CLNK: variants seen among roughly 807,000 people sequenced by gnomAD.
CLNK encodes cytokine-dependent hematopoietic cell linker.
Under a neutral mutation model 68.6 loss-of-function variants are expected in CLNK, and 74 were observed. That is an observed-to-expected ratio of 1.08 (90% CI 0.89 to 1.31). The LOEUF is 1.31. Ranked by LOEUF, CLNK falls within the 50% of genes most tolerant of loss-of-function variation. CLNK has a pLI of 0.00. For synonymous variants in CLNK, 198 were observed against 172.2 expected (o/e 1.15, Z -1.17); for missense variants, 553 against 515.3 (o/e 1.07, Z -0.71).
At chr4:10,618,796 C>T (rs899993869) in intron 2 of CLNK, among the ~76,000 whole-genome samples, 1 of 152,196 alleles carries the variant, frequency 6.6e-6, no homozygotes, top group African/African-American at 2.4e-5. Flanking sequence ...CAATAACTCA[C>T]TCAGTCACGG....
intron 2 of CLNK, among the ~76,000 whole-genome samples, chr4:10,621,035 G>A (rs567082523): frequency 3.9e-5 from 6 of 152,024 alleles, no homozygotes; most frequent in South Asian, 2.1e-4. Flanking sequence ...GCGTGAACCC[G>A]GGAGACAGAG....
intron 8 of CLNK, among the ~76,000 whole-genome samples, chr4:10,552,472 G>C (rs991751200): frequency 5.9e-5 from 9 of 152,062 alleles, no homozygotes; most frequent in African/African-American, 1.7e-4. Context: ...TCGGCCTTTG[G>C]AGATATCTTT....
intron 11 of CLNK, among the ~76,000 whole-genome samples, chr4:10,539,119 A>T (rs1560207569): frequency 6.6e-6 from 1 of 152,216 alleles, no homozygotes; most frequent in Non-Finnish European, 1.5e-5. Flanking sequence ...ATTTCTTTAT[A>T]GCAATGTGAG....
At chr4:10,552,703 G>C (rs751585623) in intron 8 of CLNK, among the ~76,000 whole-genome samples, 1 of 152,038 alleles carries the variant, frequency 6.6e-6, no homozygotes, top group Non-Finnish European at 1.5e-5. Flanking sequence ...GGAAACCGCT[G>C]ACCTATGAGC....
intron 8 of CLNK, among the ~76,000 whole-genome samples, chr4:10,543,772 A>G (rs1330936189): frequency 6.6e-6 from 1 of 152,232 alleles, no homozygotes; most frequent in Non-Finnish European, 1.5e-5. Flanking sequence ...TTCTGTTTTC[A>G]TTTTTGAAAA....
At chr4:10,491,056 C>G (rs545042085) in intron 18 of CLNK, among the ~76,000 whole-genome samples, 1 of 152,186 alleles carries the variant, frequency 6.6e-6, no homozygotes, top group African/African-American at 2.4e-5. Context: ...TGAGCCACCA[C>G]GCCTGACCGG....
chr4:10,594,339 G>A (rs1218553323), intron 3 of CLNK, among the ~76,000 whole-genome samples: 1 of 152,144 alleles, frequency 6.6e-6, no homozygotes, highest in Non-Finnish European at 1.5e-5. Flanking sequence ...AGCGAGTAGG[G>A]GCAGAGTGGA....
At chr4:10,537,698 C>CTTTCTTTCTTT (rs1560206954) in intron 11 of CLNK, among the ~76,000 whole-genome samples, 28 of 12,948 alleles carry the variant, frequency 2.2e-3, no homozygotes, top group Non-Finnish European at 3.4e-3. Context: ...TTCCTTCCTT[C>CTTTCTTTCTTT]CTTCCTTCCT....
intron 2 of CLNK, among the ~76,000 whole-genome samples, chr4:10,637,899 G>A (rs562737129): frequency 7.2e-5 from 11 of 151,916 alleles, no homozygotes; most frequent in East Asian, 5.8e-4. Context: ...ATCATTCTGC[G>A]CCCGGCCCAT....
At chr4:10,734,418 C>T in the CLNK span, among the ~76,000 whole-genome samples, 1 of 152,230 alleles carries the variant, frequency 6.6e-6, no homozygotes, top group Non-Finnish European at 1.5e-5. Context: ...ATCTTTCCCT[C>T]TTCTTTATCA....
At chr4:10,593,976 G>A (rs1721286838) in intron 3 of CLNK, among the ~76,000 whole-genome samples, 1 of 152,156 alleles carries the variant, frequency 6.6e-6, no homozygotes, top group Admixed American at 6.5e-5. Context: ...GTACAGAGAG[G>A]ACTTGGCAAG....
At chr4:10,668,534 C>A (rs1577208767) in intron 1 of CLNK, among the ~76,000 whole-genome samples, 1 of 152,130 alleles carries the variant, frequency 6.6e-6, no homozygotes, top group Non-Finnish European at 1.5e-5. Context: ...CAGCAAGAAA[C>A]AGATGACACT....
chr4:10,493,448 T>C (rs7667644), intron 18 of CLNK, among the ~76,000 whole-genome samples: 36,329 of 152,098 alleles, frequency 0.24, 4,589 homozygotes, highest in Middle Eastern at 0.29. Context: ...GAGAGGCCCA[T>C]TTTCTTGCCT....
At chr4:10,708,323 A>T in the CLNK span, among the ~76,000 whole-genome samples, 1 of 152,334 alleles carries the variant, frequency 6.6e-6, no homozygotes, top group Admixed American at 6.5e-5. Context: ...TCTAGATACT[A>T]TTCTGAGTGC....
intron 11 of CLNK, among the ~76,000 whole-genome samples, chr4:10,538,237 C>T (rs902831739): frequency 1.3e-5 from 2 of 152,266 alleles, no homozygotes; most frequent in East Asian, 3.9e-4. Context: ...TAAAGCGATT[C>T]TCATGTCTCA....
intron 2 of CLNK, among the ~76,000 whole-genome samples, chr4:10,628,333 G>C (rs886884080): frequency 7.0e-6 from 1 of 142,464 alleles, no homozygotes; most frequent in Non-Finnish European, 1.5e-5. Context: ...TTCACTCTTT[G>C]CTGAAATTCC....
chr4:10,570,844 G>A (rs1244871132), intron 5 of CLNK, among the ~76,000 whole-genome samples: 2 of 151,930 alleles, frequency 1.3e-5, no homozygotes, highest in African/African-American at 4.8e-5. Context: ...TGTAAATATT[G>A]CAAATGATTT....
chr4:10,540,602 G>C lies in CLNK; in HGVS notation c.494C>G (p.Pro165Arg), dbSNP rs766068690. Reference protein sequence around the residue: ...KNKIPLPPPRPLITLPKKYQP... With the variant: ...KNKIPLPPPRRLITLPKKYQP... ...GTACTTCTTCGGAAGTGTTATGAGA[G>C]GCCTGTGTGGAGAGTCGCAGTAGGG... The change falls in exon 11 of 19, where the codon CCT becomes CGT. Residue 165 changes from proline (P) to arginine (R), a missense_variant and splice_region_variant. Coordinates refer to ENST00000226951, the MANE Select transcript of CLNK (RefSeq NM_052964.4). 5.0e-5 allele frequency: 81 copies of C among 1,611,882 alleles called. No individual in the cohort carries two copies. The highest frequency in any genetic ancestry group is 6.5e-5 in the Non-Finnish European group (76 of 1,178,170).
At chr4:10,661,532 T>C (rs189273436) in intron 2 of CLNK, among the ~76,000 whole-genome samples, 2 of 152,206 alleles carry the variant, frequency 1.3e-5, no homozygotes, top group South Asian at 2.1e-4. Flanking sequence ...TGTGGCAATA[T>C]GGAATGCTGT....
Sources: allele counts gnomAD v4.1 joint callset (sites outside exome capture counted in the v4.1 genomes callset), GRCh38; gene constraint gnomAD v4.1.1; transcripts MANE v1.5; gene names NCBI Gene and HGNC (gene_info 2026-07-23, HGNC 2026-07-21).